PATJ: variants seen among roughly 807,000 people sequenced by gnomAD.
PATJ encodes the protein inaD-like protein.
A neutral mutation model predicts 224.9 loss-of-function variants in PATJ; 190 were observed. The ratio of observed to expected loss-of-function variants is 0.84; its 90% CI spans 0.75 to 0.95. The LOEUF is 0.95. Among genes scored for constraint, PATJ ranks in the 40% least tolerant of loss-of-function variants. The pLI is 0.00. For missense variants in PATJ, 2,121 were observed against 2,270.3 expected (o/e 0.93, Z 1.34); for synonymous variants, 769 against 820.3 (o/e 0.94, Z 1.07).
intron 26 of PATJ, among the ~76,000 whole-genome samples, chr1:61,924,930 C>CAAACAA (rs1571318146): frequency 0.061 from 3,297 of 54,302 alleles, 1,549 homozygotes; most frequent in African/African-American, 0.089. Flanking sequence ...GACAGACAGG[C>CAAACAA]GGCCGGGCGC....
chr1:61,990,123 C>A, intron 27 of PATJ, 45 bp from the exon 28 acceptor site: 2 of 1,315,142 alleles, frequency 1.5e-6, no homozygotes, highest in Non-Finnish European at 2.1e-6. Flanking sequence ...CTCAATAATA[C>A]AGATCAAGCT....
At chr1:61,827,293 G>A (rs926694841) in intron 15 of PATJ, 129 bp from the exon 16 acceptor site, 6 of 681,656 alleles carry the variant, frequency 8.8e-6, no homozygotes, top group African/African-American at 1.8e-5. Flanking sequence ...TGATGAAAGC[G>A]AGGCCCCTTG....
At chr1:62,083,350 GACCTCAGGTGATCCTCCC>G (rs993499183) in intron 32 of PATJ, among the ~76,000 whole-genome samples, 1 of 152,176 alleles carries the variant, frequency 6.6e-6, no homozygotes, top group East Asian at 1.9e-4. Context: ...TCGAACTCCT[GACCTCAGGTGATCCTCCC>G]ACCTCAGGTG....
chr1:61,927,966 A>G (rs78742044), intron 27 of PATJ, 137 bp downstream of exon 27: 11,958 of 619,936 alleles, frequency 0.019, 182 homozygotes, highest in Middle Eastern at 0.031. Context: ...TCAAATCTAT[A>G]CCTTTGAAGC....
At chr1:61,999,106 T>C (rs1286916603) in intron 28 of PATJ, among the ~76,000 whole-genome samples, 1 of 149,772 alleles carries the variant, frequency 6.7e-6, no homozygotes, top group Non-Finnish European at 1.5e-5. Flanking sequence ...AAAAAAAAAA[T>C]AGCGACAGGA....
At chr1:62,109,265 G>A (rs1443898491) in intron 34 of PATJ, among the ~76,000 whole-genome samples, 1 of 151,784 alleles carries the variant, frequency 6.6e-6, no homozygotes, top group South Asian at 2.1e-4. Context: ...TTTATGGTGA[G>A]CATGTGCATT....
At chr1:62,121,056 C>T in intron 37 of PATJ, 125 bp from the exon 38 acceptor site, 2 of 621,244 alleles carry the variant, frequency 3.2e-6, no homozygotes, top group Non-Finnish European at 5.7e-6. Context: ...TCTTTCCTGG[C>T]CTCCTCACGA....
intron 27 of PATJ, among the ~76,000 whole-genome samples, chr1:61,985,620 G>C (rs12093218): frequency 0.27 from 40,515 of 151,832 alleles, 5,767 homozygotes; most frequent in East Asian, 0.45. Context: ...AAAGCTGTTT[G>C]AGTGGTCTCC....
At chr1:62,130,201 G>T (rs1462785874) in intron 41 of PATJ, among the ~76,000 whole-genome samples, 1 of 152,202 alleles carries the variant, frequency 6.6e-6, no homozygotes, top group African/African-American at 2.4e-5. Context: ...CGGCATGGTG[G>T]TGTGTGCCTG....
At position 62,160,981 on chromosome 1, in the gene PATJ, G is replaced by A. The variant is rs778785877; in HGVS notation, c.5576G>A (p.Gly1859Asp). The A allele has an allele frequency of 4.3e-6, 7 of 1,612,888 alleles. No homozygotes were observed. Among genetic ancestry groups the A allele is most frequent in the Middle Eastern group, 1.6e-4 (1 of 6,080 alleles). Reference sequence around the variant, plus strand: ...GCTGTTAATGGCGAGACCCTGGAAGGTGTTACTCATGAGCAAGCAGTCGCC... The same window carrying A: ...GCTGTTAATGGCGAGACCCTGGAAGATGTTACTCATGAGCAAGCAGTCGCC... ...ILAVNGETLEGVTHEQAVAIL... is the reference protein window; with the variant it reads ...ILAVNGETLEDVTHEQAVAIL... Residue 1859 changes from glycine to aspartate, a missense_variant, in exon 44 of 44, where the codon GGT becomes GAT. Gly to Asp is a moderately conservative substitution (Grantham distance 94). Transcript: ENST00000642238.
At chr1:61,891,677 G>C (rs752318809) in intron 22 of PATJ, among the ~76,000 whole-genome samples, 5 of 152,174 alleles carry the variant, frequency 3.3e-5, no homozygotes, top group Non-Finnish European at 4.4e-5. Flanking sequence ...AGGCTCTACA[G>C]AAGGCCAGAA....
chr1:61,799,904 C>T (rs1652115558), intron 11 of PATJ, among the ~76,000 whole-genome samples: 1 of 152,096 alleles, frequency 6.6e-6, no homozygotes, highest in Non-Finnish European at 1.5e-5. Context: ...CTTTTTATGC[C>T]TGTATAGTAG....
Position 61,901,372 on chromosome 1 carries a change from G to A in PATJ, c.3294G>A (p.Glu1098=), listed in dbSNP as rs760668280. The A allele has an allele frequency of 1.3e-6, 2 of 1,589,192 alleles. No individual in the cohort carries two copies. Among genetic ancestry groups the A allele is most frequent in the African/African-American group, 1.4e-5 (1 of 73,162 alleles). Residue 1098 remains glutamate (E), a synonymous_variant, in exon 24 of 44, where the codon GAG becomes GAA. Transcript: ENST00000642238. ...TVIKRLKNGE[E]LKGIFIKQVL... ...TAAAACGTCTAAAGAATGGAGAGGA[G>A]CTTAAAGGTATATTCATCAAACAAG...
intron 11 of PATJ, among the ~76,000 whole-genome samples, chr1:61,800,629 G>A (rs1182629527): frequency 1.3e-5 from 2 of 151,992 alleles, no homozygotes; most frequent in Non-Finnish European, 1.5e-5. Context: ...TGTGCACAAC[G>A]TGCAGGTTTG....
intron 31 of PATJ, among the ~76,000 whole-genome samples, chr1:62,073,689 A>G (rs1438349078): frequency 6.6e-6 from 1 of 151,986 alleles, no homozygotes; most frequent in Non-Finnish European, 1.5e-5. Flanking sequence ...ACACCCTTGC[A>G]CTTAAATAAA....
At chr1:61,901,543 T>G (rs1671151509) in intron 24 of PATJ, 84 bp downstream of exon 24, 1 of 973,650 alleles carries the variant, frequency 1.0e-6, no homozygotes, top group Admixed American at 2.8e-5. Context: ...CCTTTCTTTA[T>G]GTGTTGGGGA....
At chr1:61,869,167 C>CAG (rs1665896433) in intron 20 of PATJ, among the ~76,000 whole-genome samples, 3 of 135,124 alleles carry the variant, frequency 2.2e-5, no homozygotes, top group Non-Finnish European at 4.6e-5. Context: ...AGTGCAGTGG[C>CAG]GCCATCTCGG....
In PATJ at chr1:62,043,580, C is replaced by G. The variant is rs551097242; in HGVS notation, c.4032+5531C>G. Among the ~76,000 whole-genome samples, 3 of 152,280 alleles carry G rather than the reference C, an allele frequency of 2.0e-5. No homozygotes were observed. The South Asian group carries it at 6.2e-4, about 32-fold the overall frequency. Reference sequence around the variant, plus strand: ...ATTGTACTTATATTATCACAGCCCTCTAGTAGAACTCCCAGCCTCCAGCAT... The same window carrying G: ...ATTGTACTTATATTATCACAGCCCTGTAGTAGAACTCCCAGCCTCCAGCAT... On this transcript the variant is annotated intron_variant, in intron 30 of 43. Transcript: ENST00000642238.
chr1:62,108,507 A>G lies in PATJ; in HGVS notation c.4448A>G (p.Asp1483Gly). The G allele has an allele frequency of 1.2e-6, 2 of 1,606,108 alleles. No homozygotes were observed. The highest frequency in any genetic ancestry group is 1.1e-5 in the South Asian group (1 of 90,442). The stretch of plus-strand genomic sequence containing the variant: ...AGAGATGGAAGACTTTGGGCTGGTG[A>G]CCAGATATTAGAGGTATATGGTTTT... The part of the protein sequence containing the change: ...AARDGRLWAG[D>G]QILEVNGVDL... Residue 1483 changes from aspartate (D) to glycine (G), a missense_variant, in exon 34 of 44, where the codon GAC becomes GGC. Coordinates refer to ENST00000642238, the MANE Select transcript of PATJ (RefSeq NM_001350145.3).
Sources: allele counts gnomAD v4.1 joint callset (sites outside exome capture counted in the v4.1 genomes callset), GRCh38; gene constraint gnomAD v4.1.1; transcripts MANE v1.5; gene names NCBI Gene and HGNC (gene_info 2026-07-23, HGNC 2026-07-21).